Variants in CDH13 observed in about 807,000 individuals in gnomAD.
The protein encoded by CDH13 is cadherin-13.
Under a neutral mutation model 63.8 loss-of-function variants are expected in CDH13, and 24 were observed. That is an observed-to-expected ratio of 0.38 (90% CI 0.27 to 0.53). CDH13 has a LOEUF of 0.53. Among genes scored for constraint, CDH13 ranks in the 20% least tolerant of loss-of-function variants. The pLI is 0.85. For missense variants in CDH13, 1,049 were observed against 903.1 expected (o/e 1.16, Z -2.07); for synonymous variants, 503 against 355.3 (o/e 1.42, Z -4.67).
chr16:82,801,578 A>G (rs1031882498), intron 1 of CDH13, among the ~76,000 whole-genome samples: 1 of 152,224 alleles, frequency 6.6e-6, no homozygotes, highest in Non-Finnish European at 1.5e-5. Context: ...TTACTACTGG[A>G]TGCTGACTCA....
chr16:83,747,450 C>T (rs759254887), intron 10 of CDH13, among the ~76,000 whole-genome samples: 2 of 152,154 alleles, frequency 1.3e-5, no homozygotes, highest in Non-Finnish European at 2.9e-5. Flanking sequence ...TGCGAGGCCT[C>T]CTTAGCCACA....
chr16:82,839,875 A>G (rs923280354), intron 1 of CDH13, among the ~76,000 whole-genome samples: 3 of 152,168 alleles, frequency 2.0e-5, no homozygotes, highest in African/African-American at 7.2e-5. Flanking sequence ...CCATAAGAAA[A>G]ATCAGACTTA....
chr16:83,382,209 A>C (rs57532221), intron 6 of CDH13, among the ~76,000 whole-genome samples: 1 of 152,222 alleles, frequency 6.6e-6, no homozygotes, highest in African/African-American at 2.4e-5. Flanking sequence ...TAATAGCCAT[A>C]AAGTACTTAG....
At chr16:83,716,211 A>G (rs1908869273) in intron 10 of CDH13, among the ~76,000 whole-genome samples, 1 of 151,936 alleles carries the variant, frequency 6.6e-6, no homozygotes, top group African/African-American at 2.4e-5. Flanking sequence ...CTCCCCCATA[A>G]TCAATATCCC....
At chr16:83,130,540 T>C (rs2035999965) in intron 4 of CDH13, among the ~76,000 whole-genome samples, 1 of 152,244 alleles carries the variant, frequency 6.6e-6, no homozygotes, top group South Asian at 2.1e-4. Context: ...GATCGATATC[T>C]GATATGTGAT....
At chr16:83,306,020 C>G (rs1405800534) in intron 5 of CDH13, among the ~76,000 whole-genome samples, 1 of 152,162 alleles carries the variant, frequency 6.6e-6, no homozygotes, top group African/African-American at 2.4e-5. Context: ...CTGTGCACTA[C>G]AGAATATTCA....
chr16:83,146,332 A>G (rs903977514), intron 4 of CDH13, among the ~76,000 whole-genome samples: 2 of 152,272 alleles, frequency 1.3e-5, no homozygotes, highest in African/African-American at 4.8e-5. Flanking sequence ...AGATAACTCC[A>G]TCACCATGGC....
chr16:83,456,277 C>A (rs368949362), intron 6 of CDH13, among the ~76,000 whole-genome samples: 2 of 152,196 alleles, frequency 1.3e-5, no homozygotes, highest in South Asian at 2.1e-4. Context: ...GAACATTTCA[C>A]TAAATCGAAT....
intron 5 of CDH13, among the ~76,000 whole-genome samples, chr16:83,233,066 G>A (rs928941954): frequency 7.9e-5 from 12 of 152,140 alleles, no homozygotes; most frequent in African/African-American, 2.9e-4. Context: ...CCAGATTGGC[G>A]GCAGGGCCAG....
intron 2 of CDH13, among the ~76,000 whole-genome samples, chr16:82,918,795 AGCCCCTACGCCTG>A (rs1221270823): frequency 6.6e-6 from 1 of 152,124 alleles, no homozygotes; most frequent in Non-Finnish European, 1.5e-5. Context: ...TATGGGTGTG[AGCCCCTACGCCTG>A]GCCCACACTG....
In CDH13 at chr16:83,783,442, G is replaced by C; in HGVS notation, c.2104G>C (p.Val702Leu). The change falls in exon 13 of 14, where the codon GTC becomes CTC. Residue 702 changes from valine (V) to leucine (L), a missense_variant. By Grantham distance (32) the Val-to-Leu change is conservative. Coordinates refer to ENST00000567109, the MANE Select transcript of CDH13 (RefSeq NM_001257.5). ...AGALRFSLPS[V>L]LLLSLFSLAC... ...GGCCCTGCGCTTCAGCCTGCCCTCA[G>C]TCCTGCTCCTCAGCCTCTTCAGCTT... 2 of 1,613,936 alleles carry C rather than the reference G, an allele frequency of 1.2e-6. No homozygotes were observed. Among genetic ancestry groups the C allele is most frequent in the Non-Finnish European group, 1.7e-6 (2 of 1,179,796 alleles).
At chr16:83,266,501 T>C (rs1907639739) in intron 5 of CDH13, among the ~76,000 whole-genome samples, 1 of 152,214 alleles carries the variant, frequency 6.6e-6, no homozygotes, top group African/African-American at 2.4e-5. Flanking sequence ...AGTGTGTTCA[T>C]TGTTGTATTC....
At chr16:83,596,359 C>G (rs1907256350) in intron 7 of CDH13, among the ~76,000 whole-genome samples, 1 of 152,176 alleles carries the variant, frequency 6.6e-6, no homozygotes, top group African/African-American at 2.4e-5. Flanking sequence ...TCCTGTTTTC[C>G]TGACTCTCAG....
At chr16:83,469,074 T>C (rs2073390810) in intron 6 of CDH13, among the ~76,000 whole-genome samples, 2 of 152,198 alleles carry the variant, frequency 1.3e-5, no homozygotes. Flanking sequence ...TAGATGGCAA[T>C]ACTTTTTAGT....
At chr16:83,667,084 GGAT>G (rs1914046137) in intron 8 of CDH13, among the ~76,000 whole-genome samples, 1 of 145,140 alleles carries the variant, frequency 6.9e-6, no homozygotes, top group Non-Finnish European at 1.5e-5. Flanking sequence ...ATGGATAGAT[GGAT>G]GATGGATGGA....
At chr16:83,064,524 G>T (rs562283876) in intron 3 of CDH13, among the ~76,000 whole-genome samples, 1 of 152,114 alleles carries the variant, frequency 6.6e-6, no homozygotes, top group African/African-American at 2.4e-5. Context: ...ATTAATATTA[G>T]CAATATCTTC....
At position 83,678,088 on chromosome 16, in the gene CDH13, A is replaced by T; in HGVS notation, c.1285-120A>T. 3.1e-6 allele frequency: 3 copies of T among 964,474 alleles called. No homozygotes were observed. The South Asian group carries it at 5.3e-5, about 17-fold the overall frequency. The allele number at this position is 964,474 out of a possible 1,614,324, so 59.7% of individuals were successfully genotyped here. On this transcript the variant is annotated intron_variant, in intron 9 of 13. Transcript: ENST00000567109. The stretch of plus-strand genomic sequence containing the variant: ...CCCCAGTTACACAGGCTTAGCCTCC[A>T]AAGCCCAGCTCCATCCCTGAAGGCC...
rs112986186 is a variant in CDH13 at position 82,669,288 on chromosome 16, G to A, written c.45+42151G>A. The stretch of plus-strand genomic sequence containing the variant: ...AGATCCAAGGACAAGCCCTTTAGAT[G>A]CCTAGTATATGGCTCTGCCCTGGCA... On this transcript the variant is annotated intron_variant, in intron 1 of 13. Transcript: ENST00000567109. 8.4e-3 allele frequency among the ~76,000 whole-genome samples: 1,286 copies of A among 152,324 alleles called. 10 individuals are homozygous for A. The highest frequency in any genetic ancestry group is 0.014 in the Non-Finnish European group (978 of 68,038).
At chr16:83,537,489 T>C (rs2075215287) in intron 7 of CDH13, among the ~76,000 whole-genome samples, 1 of 152,198 alleles carries the variant, frequency 6.6e-6, no homozygotes, top group Admixed American at 6.5e-5. Context: ...GATTGTTTAA[T>C]TCTTGGGGAT....
Sources: allele counts gnomAD v4.1 joint callset (sites outside exome capture counted in the v4.1 genomes callset), GRCh38; gene constraint gnomAD v4.1.1; transcripts MANE v1.5; gene names NCBI Gene and HGNC (gene_info 2026-07-23, HGNC 2026-07-21).